The following RBFOX1 variants were observed in gnomAD, a reference collection of about 807,000 sequenced individuals.
RBFOX1 encodes the protein RNA binding fox-1 homolog 1, also known as RNA binding protein fox-1 homolog 1.
RBFOX1 carries 8 observed loss-of-function variants against 57.7 expected under a neutral mutation model. The observed-to-expected ratio is 0.14, with a 90% confidence interval of 0.08 to 0.25. RBFOX1 has a LOEUF of 0.25. Ranked by LOEUF, RBFOX1 falls within the 10% of genes least tolerant of loss-of-function variation. The probability of loss-of-function intolerance (pLI) is 1.00; values close to 1 mark genes in which losing one functional copy is unlikely to be tolerated. For missense variants in RBFOX1, 611 were observed against 548.5 expected, an observed-to-expected ratio of 1.11 and a Z score of -1.14; for synonymous variants, 326 against 222.4, an observed-to-expected ratio of 1.47 and a Z score of -4.15.
chr16:6,189,876 T>C (rs1325539679), intron 1 of RBFOX1, among the ~76,000 whole-genome samples: 1 of 152,246 alleles, frequency 6.6e-6, no homozygotes, highest in African/African-American at 2.4e-5. Context: ...GTGATCCCAA[T>C]TGTCCATGTT....
chr16:6,779,452 G>T (rs1030530131), intron 3 of RBFOX1, among the ~76,000 whole-genome samples: 10 of 151,644 alleles, frequency 6.6e-5, no homozygotes, highest in Non-Finnish European at 1.2e-4. Context: ...TAACTTGGCT[G>T]TTGTGAAGAG....
intron 4 of RBFOX1, among the ~76,000 whole-genome samples, chr16:7,487,910 G>C (rs1450405908): frequency 6.6e-6 from 1 of 152,144 alleles, no homozygotes; most frequent in African/African-American, 2.4e-5. Context: ...TCTATTACCA[G>C]CGTCCGATAA....
At chr16:7,598,163 G>A (rs1035246043) in intron 9 of RBFOX1, among the ~76,000 whole-genome samples, 8 of 152,114 alleles carry the variant, frequency 5.3e-5, no homozygotes, top group Admixed American at 1.3e-4. Flanking sequence ...CTGCCACTGT[G>A]TTAATCACAT....
At chr16:7,044,660 G>T (rs75902235) in intron 3 of RBFOX1, among the ~76,000 whole-genome samples, 2,595 of 152,036 alleles carry the variant, frequency 0.017, 78 homozygotes, top group African/African-American at 0.059. Flanking sequence ...TTTTCATTTA[G>T]GCCATAAAAT....
intron 4 of RBFOX1, among the ~76,000 whole-genome samples, chr16:7,096,122 C>A (rs1330442965): frequency 6.6e-6 from 1 of 151,968 alleles, no homozygotes; most frequent in Admixed American, 6.6e-5. Flanking sequence ...ATGATATGAT[C>A]CCAATCTTCA....
intron 4 of RBFOX1, among the ~76,000 whole-genome samples, chr16:7,377,145 G>C (rs762710700): frequency 1.5e-4 from 23 of 152,156 alleles, no homozygotes; most frequent in Non-Finnish European, 2.9e-4. Flanking sequence ...TTTTATATCA[G>C]TTTAAATGAA....
At chr16:6,112,020 T>TTA (rs2096452345) in intron 1 of RBFOX1, among the ~76,000 whole-genome samples, 1 of 151,304 alleles carries the variant, frequency 6.6e-6, no homozygotes, top group Non-Finnish European at 1.5e-5. Flanking sequence ...AGTGATCTGA[T>TTA]AAAAAAAAAG....
intron 3 of RBFOX1, among the ~76,000 whole-genome samples, chr16:6,820,050 A>G (rs532195377): frequency 1.5e-3 from 232 of 152,130 alleles, no homozygotes; most frequent in Non-Finnish European, 2.3e-3. Context: ...AGGAAGTAAA[A>G]TTGAATCGTG....
chr16:6,895,650 A>T (rs975091942), intron 3 of RBFOX1, among the ~76,000 whole-genome samples: 2 of 151,596 alleles, frequency 1.3e-5, no homozygotes, highest in African/African-American at 4.8e-5. Flanking sequence ...GACAATGCCA[A>T]TGTTTTGTGG....
intron 2 of RBFOX1, among the ~76,000 whole-genome samples, chr16:6,593,330 G>T (rs115553773): frequency 2.6e-3 from 391 of 152,270 alleles, no homozygotes; most frequent in African/African-American, 9.0e-3. Flanking sequence ...GTTATAATCA[G>T]TTCAGGCACT....
chr16:6,223,235 C>CA (rs2097389619), intron 1 of RBFOX1, among the ~76,000 whole-genome samples: 2 of 151,312 alleles, frequency 1.3e-5, no homozygotes, highest in African/African-American at 4.9e-5. Flanking sequence ...ATGGCTGGGT[C>CA]AAATGGTATT....
intron 4 of RBFOX1, among the ~76,000 whole-genome samples, chr16:7,134,635 T>C (rs1195057708): frequency 6.6e-6 from 1 of 152,182 alleles, no homozygotes; most frequent in Non-Finnish European, 1.5e-5. Flanking sequence ...CAGAAAATGA[T>C]CGTTGAAGAA....
At chr16:6,902,762 A>C (rs1448703995) in intron 3 of RBFOX1, among the ~76,000 whole-genome samples, 1 of 152,158 alleles carries the variant, frequency 6.6e-6, no homozygotes, top group Non-Finnish European at 1.5e-5. Flanking sequence ...TCAAGTTTTA[A>C]AGGAACCCTT....
At chr16:6,737,355 C>T (rs1266517317) in intron 3 of RBFOX1, among the ~76,000 whole-genome samples, 1 of 143,178 alleles carries the variant, frequency 7.0e-6, no homozygotes, top group African/African-American at 2.4e-5. Flanking sequence ...TCAGTTTTAT[C>T]TGTTGTTTAA....
At chr16:5,761,691 A>G (rs140005113) in intron 3 of RBFOX1, among the ~76,000 whole-genome samples, 4 of 152,198 alleles carry the variant, frequency 2.6e-5, no homozygotes, top group Admixed American at 1.3e-4. Context: ...TCCAGCACAC[A>G]TAGGAATTAT....
chr16:5,550,009 C>T (rs2045394194), intron 2 of RBFOX1, among the ~76,000 whole-genome samples: 1 of 152,210 alleles, frequency 6.6e-6, no homozygotes, highest in Non-Finnish European at 1.5e-5. Context: ...CTCAGCCCAG[C>T]TGGTTACAGC....
chr16:7,022,977 G>T (rs1373466378), intron 3 of RBFOX1, among the ~76,000 whole-genome samples: 2 of 152,092 alleles, frequency 1.3e-5, no homozygotes, highest in Admixed American at 6.6e-5. Flanking sequence ...AGGCAGAATG[G>T]GCAGTGAAAT....
At chr16:7,128,163 G>A (rs73542970) in intron 4 of RBFOX1, among the ~76,000 whole-genome samples, 4,379 of 152,204 alleles carry the variant, frequency 0.029, 208 homozygotes, top group African/African-American at 0.1. Flanking sequence ...TAACCATTCT[G>A]ACAAGAACAA....
chr16:6,434,480 C>A (rs975266084), intron 2 of RBFOX1, among the ~76,000 whole-genome samples: 2 of 152,148 alleles, frequency 1.3e-5, no homozygotes, highest in African/African-American at 4.8e-5. Flanking sequence ...GAGCTGAAAG[C>A]CCTCATTTGT....
Sources: allele counts gnomAD v4.1 joint callset (sites outside exome capture counted in the v4.1 genomes callset), GRCh38; gene constraint gnomAD v4.1.1; transcripts MANE v1.5; gene names NCBI Gene and HGNC (gene_info 2026-07-23, HGNC 2026-07-21).